Variants in GRIN3B observed in about 807,000 individuals in gnomAD.
The protein encoded by GRIN3B is glutamate receptor ionotropic, NMDA 3B.
Under a neutral mutation model 66.0 loss-of-function variants are expected in GRIN3B, and 77 were observed. The ratio of observed to expected loss-of-function variants is 1.17; its 90% CI spans 0.97 to 1.41. The LOEUF is 1.41. GRIN3B is among the 40% of genes most tolerant of loss of function. The probability of loss-of-function intolerance (pLI) is 0.00; values close to 1 mark genes in which losing one functional copy is unlikely to be tolerated. For missense variants in GRIN3B, 1,787 were observed against 1,564.5 expected, an observed-to-expected ratio of 1.14 and a Z score of -2.40; for synonymous variants, 823 against 749.7, an observed-to-expected ratio of 1.10 and a Z score of -1.60.
chr19:1,005,660 G>A lies in GRIN3B; in HGVS notation c.2052+107G>A. 2.5e-6 allele frequency: 2 copies of A among 785,434 alleles called. No homozygotes were observed. The highest frequency in any genetic ancestry group is 1.9e-5 in the South Asian group (1 of 53,888). The allele number at this position is 785,434 out of a possible 1,614,324, so 48.7% of individuals were successfully genotyped here. ...AGCTGGACGTGGAGGACGTCCACTA[G>A]GCCAACTCTGGTCCCAAGAGACATT... On this transcript the variant is annotated intron_variant, in intron 3 of 8. Transcript: ENST00000234389. This position sits in a 1 kb window ranked among gnomAD's most constrained non-coding sequence, Gnocchi z 5.2.
Position 1,003,656 on chromosome 19 carries a change from C to T in GRIN3B, c.953C>T (p.Pro318Leu). 1 of 1,413,968 alleles carries T rather than the reference C, an allele frequency of 7.1e-7. No homozygotes were observed. The allele number at this position is 1,413,968 out of a possible 1,614,324, so 87.6% of individuals were successfully genotyped here. Residue 318 changes from proline (P) to leucine (L), a missense_variant, in exon 2 of 9, where the codon CCC becomes CTC. By Grantham distance (98) the Pro-to-Leu change is moderately conservative. Coordinates refer to ENST00000234389, the MANE Select transcript of GRIN3B (RefSeq NM_138690.3). The stretch of plus-strand genomic sequence containing the variant: ...GTGCAGCCGAAGCGAGCCCTCCTCC[C>T]CGCCCCGGTCAACTGCGGGGACCTG... ...AQVQPKRALL[P>L]APVNCGDLQP...
At position 1,009,512 on chromosome 19, in the gene GRIN3B, C is replaced by T; in HGVS notation, c.3042C>T (p.Ser1014=). 4 of 1,492,272 alleles carry T rather than the reference C, an allele frequency of 2.7e-6. No homozygotes were observed. Among genetic ancestry groups the T allele is most frequent in the African/African-American group, 1.4e-5 (1 of 69,082 alleles). 92.4% of individuals were successfully genotyped at this position (1,492,272 alleles called of 1,614,324 possible). ...RGQLLAQLGD[S]ARHRPRRLLQ... is the part of the protein sequence containing the mutation. Reference sequence around the variant, plus strand: ...AGCTCCTGGCACAGCTCGGGGACAGCGCACGTCACCGGCCTCGGCGCTTGC... The same window carrying T: ...AGCTCCTGGCACAGCTCGGGGACAGTGCACGTCACCGGCCTCGGCGCTTGC... The change falls in exon 9 of 9, where the codon AGC becomes AGT. Residue 1014 remains serine, a synonymous_variant. Transcript: ENST00000234389.
intron 5 of GRIN3B, 64 bp from the exon 6 acceptor site, chr19:1,008,076 T>A (rs1365081122): frequency 6.4e-7 from 1 of 1,564,770 alleles, no homozygotes; most frequent in East Asian, 2.3e-5. Context: ...AAATCCCACG[T>A]GTGCGGGCAG....
rs757878481 is a variant in GRIN3B at position 1,003,111 on chromosome 19, G to A, written c.427-19G>A. 12 of 1,414,986 alleles carry A rather than the reference G, an allele frequency of 8.5e-6. No individual in the cohort carries two copies. The Admixed American group carries it at 9.4e-5, about 11-fold the overall frequency. The allele number at this position is 1,414,986 out of a possible 1,614,324, so 87.7% of individuals were successfully genotyped here. A position where few individuals can be genotyped will look rare whatever the true frequency, so the allele number is the denominator to read the frequency against. ...GGGGTGGAGGTCGTCAACCCTAACC[G>A]TGGCCACCCCTCTCCCAGAACCCAT... is the stretch of plus-strand genomic sequence containing the variant. On this transcript the variant is annotated intron_variant, in intron 1 of 8. Coordinates refer to ENST00000234389, the MANE Select transcript of GRIN3B (RefSeq NM_138690.3).
chr19:1,004,499 A>AGCCCC, intron 2 of GRIN3B, 22 bp from the exon 3 acceptor site: 3 of 1,526,580 alleles, frequency 2.0e-6, no homozygotes, highest in Non-Finnish European at 1.8e-6. Flanking sequence ...GACACCTGAC[A>AGCCCC]CCCCCCCCGC....
At chr19:1,002,237 T>A (rs1263752179) in intron 1 of GRIN3B, 3 of 151,252 alleles carry the variant, frequency 2.0e-5, no homozygotes, top group Non-Finnish European at 4.4e-5. Flanking sequence ...ATATATATAT[T>A]GGCTGGGCAC....
chr19:1,005,459 G>A lies in GRIN3B; in HGVS notation c.1958G>A (p.Cys653Tyr). ...CTCATGAACCTCTGGGCCATCTTCTGCCTGCTGGTGCTGTCCAGCTACACG... is the reference window on the plus strand; with the variant it reads ...CTCATGAACCTCTGGGCCATCTTCTACCTGCTGGTGCTGTCCAGCTACACG... ...RLLMNLWAIF[C>Y]LLVLSSYTAN... The change falls in exon 3 of 9, where the codon TGC becomes TAC. Residue 653 changes from cysteine (C) to tyrosine (Y), a missense_variant. Physicochemically the swap from Cys to Tyr is radical, Grantham distance 194. Coordinates refer to ENST00000234389, the MANE Select transcript of GRIN3B (RefSeq NM_138690.3). This position sits in a 1 kb window ranked among gnomAD's most constrained non-coding sequence, Gnocchi z 5.2. The A allele has an allele frequency of 1.9e-6, 3 of 1,613,458 alleles. No homozygotes were observed. Among genetic ancestry groups the A allele is most frequent in the Non-Finnish European group, 1.7e-6 (2 of 1,179,974 alleles).
chr19:1,008,642 T>C lies in GRIN3B; in HGVS notation c.2491T>C (p.Phe831Leu), dbSNP rs1247178156. The C allele has an allele frequency of 1.2e-6, 2 of 1,601,342 alleles. No individual in the cohort carries two copies. Among genetic ancestry groups the C allele is most frequent in the Non-Finnish European group, 1.7e-6 (2 of 1,179,374 alleles). ...TETLQMSIYH[F>L]AGLFVLLCLG... ...GACCCTGCAGATGAGCATCTACCAC[T>C]TCGCGGGCCTCTTCGTGTTGCTGTG... Residue 831 changes from phenylalanine to leucine, a missense_variant, in exon 7 of 9, where the codon TTC (phenylalanine) becomes CTC (leucine). By Grantham distance (22) the Phe-to-Leu change is conservative. Transcript: ENST00000234389.
chr19:1,004,474 A>G, intron 2 of GRIN3B, 47 bp from the exon 3 acceptor site: 1 of 1,482,278 alleles, frequency 6.7e-7, no homozygotes, highest in Non-Finnish European at 9.2e-7. Flanking sequence ...GAGAGGATGG[A>G]GGGGTGTGAA....
rs747179788 is a variant in GRIN3B, at chr19:1,007,689, A to G, written c.2114A>G (p.Tyr705Cys). 7.2e-6 allele frequency: 11 copies of G among 1,537,428 alleles called. No homozygotes were observed. Among genetic ancestry groups the G allele is most frequent in the Non-Finnish European group, 8.7e-6 (10 of 1,143,100 alleles). The change falls in exon 4 of 9, where the codon TAC becomes TGC. Residue 705 changes from tyrosine (Y) to cysteine (C), a missense_variant. Transcript: ENST00000234389. The surrounding 1 kb of genome is among the most constrained non-coding windows in gnomAD (Gnocchi z 4.4). ...GTVWESSAEA[Y>C]IKKSFPDMHA... ...GTGTGGGAGAGCAGCGCCGAGGCGT[A>G]CATCAAGAAGAGCTTCCCCGACATG...
chr19:1,008,372 A>T (rs1308216046), intron 6 of GRIN3B, 81 bp downstream of exon 6: 1 of 1,307,506 alleles, frequency 7.6e-7, no homozygotes, highest in Non-Finnish European at 1.1e-6. Flanking sequence ...GACCAACCCC[A>T]GTGCTCATTC....
At position 1,005,377 on chromosome 19, in the gene GRIN3B, A is replaced by C. The variant is rs143237368; in HGVS notation, c.1876A>C (p.Ile626Leu). 1.5e-5 allele frequency: 25 copies of C among 1,613,606 alleles called. No individual in the cohort carries two copies. The African/African-American group carries it at 2.8e-4, about 18-fold the overall frequency. Residue 626 changes from isoleucine to leucine, a missense_variant, in exon 3 of 9, where the codon ATC becomes CTC. Transcript: ENST00000234389. The surrounding 1 kb of genome is among the most constrained non-coding windows in gnomAD (Gnocchi z 5.2). ...YSSALNLCYA[I>L]LFRRTVSSKT... ...CTCAGCCCTCAACCTGTGCTACGCCATCCTCTTCAGACGCACCGTGTCCAG... is the reference window on the plus strand; with the variant it reads ...CTCAGCCCTCAACCTGTGCTACGCCCTCCTCTTCAGACGCACCGTGTCCAG...
intron 1 of GRIN3B, among the ~76,000 whole-genome samples, 160 bp downstream of exon 1, chr19:1,001,023 C>A (rs866131947): frequency 3.9e-5 from 6 of 152,222 alleles, no homozygotes; most frequent in Middle Eastern, 3.4e-3. Flanking sequence ...ATGGGGAAGA[C>A]CCGGGTGTCC....
chr19:1,008,234 C>A lies in GRIN3B; in HGVS notation c.2409C>A (p.Leu803=), dbSNP rs777079674. The change falls in exon 6 of 9, where the codon CTC becomes CTA. Residue 803 remains leucine (L), a synonymous_variant. Coordinates refer to ENST00000234389, the MANE Select transcript of GRIN3B (RefSeq NM_138690.3). ...AGTCCTCCGGCTTCATCGACCTGCT[C>A]CACGACAAGTGGTACAAGATGGTGC... ...RYKSSGFIDL[L]HDKWYKMVPC... 1 of 1,612,868 alleles carries A rather than the reference C, an allele frequency of 6.2e-7. No homozygotes were observed. The highest frequency in any genetic ancestry group is 1.1e-5 in the South Asian group (1 of 90,904).
rs2038726410 is a variant in GRIN3B, at chr19:1,004,868, T to C, written c.1367T>C (p.Leu456Pro). ...CCTGGCACCAACGACTCGGCCACCC[T>C]GGACGCACTGTTCGCCGCGCTGGCC... ...LDPGTNDSAT[L>P]DALFAALANG... Residue 456 changes from leucine (L) to proline (P), a missense_variant, in exon 3 of 9, where the codon CTG becomes CCG. By Grantham distance (98) the Leu-to-Pro change is moderately conservative. Coordinates refer to ENST00000234389, the MANE Select transcript of GRIN3B (RefSeq NM_138690.3). 8 of 1,610,770 alleles carry C rather than the reference T, an allele frequency of 5.0e-6. No homozygotes were observed. Among genetic ancestry groups the C allele is most frequent in the Non-Finnish European group, 6.8e-6 (8 of 1,178,514 alleles).
rs2038769343 is a variant in GRIN3B, at chr19:1,007,754, CGCGGCG to C, written c.2180_2185del (p.Arg727_Val729delinsLeu). 1 of 1,516,678 alleles carries C rather than the reference CGCGGCG, an allele frequency of 6.6e-7. No individual in the cohort carries two copies. The highest frequency in any genetic ancestry group is 2.1e-5 in the Admixed American group (1 of 47,068). 94.0% of individuals were successfully genotyped at this position (1,516,678 alleles called of 1,614,324 possible). ...GCGCCACAGCGCGCCCACCACGCCC[CGCGGCG>C]TCGCCATGCTCACGTGAGCCCGGGC... is the stretch of plus-strand genomic sequence containing the variant. On this transcript the variant is annotated inframe_deletion, in exon 4 of 9. Transcript: ENST00000234389. This position sits in a 1 kb window ranked among gnomAD's most constrained non-coding sequence, Gnocchi z 4.4.
chr19:1,007,594 G>A lies in GRIN3B; in HGVS notation c.2053-34G>A, dbSNP rs1274518443. 2 of 1,455,984 alleles carry A rather than the reference G, an allele frequency of 1.4e-6. No individual in the cohort carries two copies. Among genetic ancestry groups the A allele is most frequent in the South Asian group, 2.7e-5 (2 of 73,494 alleles). The allele number at this position is 1,455,984 out of a possible 1,614,324, so 90.2% of individuals were successfully genotyped here. ...CCTCAATGGTCAGGGGTCCTGAGGG[G>A]CAGGCAGAGGCGCTGACGGGGTCCC... On this transcript the variant is annotated intron_variant, in intron 3 of 8. Coordinates refer to ENST00000234389, the MANE Select transcript of GRIN3B (RefSeq NM_138690.3). The surrounding 1 kb of genome is among the most constrained non-coding windows in gnomAD (Gnocchi z 4.4).
chr19:1,007,491 G>C lies in GRIN3B; in HGVS notation c.2053-137G>C. On this transcript the variant is annotated intron_variant, in intron 3 of 8. Transcript: ENST00000234389. This position sits in a 1 kb window ranked among gnomAD's most constrained non-coding sequence, Gnocchi z 4.4. ...CACGCCTGGGGTGTGCTCTGGGCAT[G>C]GAGTGGGTGGAGGCCAGGAATGCAG... The C allele has an allele frequency of 2.0e-6, 2 of 1,006,414 alleles. No homozygotes were observed. Among genetic ancestry groups the C allele is most frequent in the Non-Finnish European group, 2.7e-6 (2 of 750,226 alleles). The allele number at this position is 1,006,414 out of a possible 1,614,324, so 62.3% of individuals were successfully genotyped here. A position where few individuals can be genotyped will look rare whatever the true frequency, so the allele number is the denominator to read the frequency against.
At chr19:1,000,885 A>G in intron 1 of GRIN3B, 22 bp downstream of exon 1, 2 of 1,365,054 alleles carry the variant, frequency 1.5e-6, no homozygotes, top group Non-Finnish European at 1.9e-6. Flanking sequence ...GCCCGGAGTC[A>G]GGACGAGGGG....
Sources: allele counts gnomAD v4.1 joint callset (sites outside exome capture counted in the v4.1 genomes callset), GRCh38; gene constraint gnomAD v4.1.1; non-coding constraint Gnocchi (gnomAD v3.1); transcripts MANE v1.5; gene names NCBI Gene and HGNC (gene_info 2026-07-23, HGNC 2026-07-21).